PTK7: variants seen among roughly 807,000 people sequenced by gnomAD.
PTK7 encodes the protein protein tyrosine kinase 7 (inactive).
In PTK7, 39 loss-of-function variants were observed where a neutral mutation model predicts 116.6. The observed-to-expected ratio is 0.33, with a 90% CI of 0.26 to 0.44. The LOEUF (loss-of-function observed/expected upper bound fraction) is 0.44. Among genes scored for constraint, PTK7 ranks in the 20% least tolerant of loss-of-function variants. The probability of loss-of-function intolerance (pLI) is 1.00; values close to 1 mark genes in which losing one functional copy is unlikely to be tolerated. For missense variants in PTK7, 1,169 were observed against 1,425.6 expected, an observed-to-expected ratio of 0.82 and a Z score of 2.90; for synonymous variants, 546 against 563.6, an observed-to-expected ratio of 0.97 and a Z score of 0.44.
chr6:43,143,220 C>T lies in PTK7; in HGVS notation c.2048-197C>T. 1.7e-6 allele frequency: 1 copy of T among 574,208 alleles called. No individual in the cohort carries two copies. The highest frequency in any genetic ancestry group is 3.1e-6 in the Non-Finnish European group (1 of 326,124). The allele number at this position is 574,208 out of a possible 1,614,324, so 35.6% of individuals were successfully genotyped here. A position where few individuals can be genotyped will look rare whatever the true frequency, so the allele number is the denominator to read the frequency against. On this transcript the variant is annotated intron_variant, in intron 13 of 19. Transcript: ENST00000230419. The surrounding 1 kb of genome is among the most constrained non-coding windows in gnomAD (Gnocchi z 4.2). ...CAAAGCCAGCTTGGGAACCCCTGGC[C>T]TCATCTCCTTCAGAGTCTTCGTTTG...
chr6:43,136,851 A>C (rs902032936), intron 7 of PTK7, among the ~76,000 whole-genome samples: 2 of 152,156 alleles, frequency 1.3e-5, no homozygotes, highest in African/African-American at 4.8e-5. Flanking sequence ...AAATAAAAAA[A>C]AAATTAGCTG....
chr6:43,134,423 G>C (rs985573577), intron 7 of PTK7, among the ~76,000 whole-genome samples: 1 of 152,150 alleles, frequency 6.6e-6, no homozygotes, highest in African/African-American at 2.4e-5. Flanking sequence ...GAGATAGGAA[G>C]ATCTCTTGAG....
intron 1 of PTK7, among the ~76,000 whole-genome samples, chr6:43,105,411 T>C (rs1436286915): frequency 7.7e-6 from 1 of 130,244 alleles, no homozygotes; most frequent in East Asian, 2.2e-4. Context: ...TCGAATTATA[T>C]GAACAGACAT....
chr6:43,076,647 G>A lies in PTK7; in HGVS notation c.79+80G>A. On this transcript the variant is annotated intron_variant, in intron 1 of 19. Coordinates refer to ENST00000230419, the MANE Select transcript of PTK7 (RefSeq NM_002821.5). This position sits in a 1 kb window ranked among gnomAD's most constrained non-coding sequence, Gnocchi z 5.7. The stretch of plus-strand genomic sequence containing the variant: ...GCAAAAGGCTGCGCCCGGGGCGGTG[G>A]GTTTGGGCGGCTGGAACGGCCCTGG... 1 of 1,473,020 alleles carries A rather than the reference G, an allele frequency of 6.8e-7. No homozygotes were observed. Among genetic ancestry groups the A allele is most frequent in the Admixed American group, 2.6e-5 (1 of 38,734 alleles). The allele number at this position is 1,473,020 out of a possible 1,614,324, so 91.2% of individuals were successfully genotyped here.
At chr6:43,083,829 C>A (rs1442739688) in intron 1 of PTK7, among the ~76,000 whole-genome samples, 1 of 152,198 alleles carries the variant, frequency 6.6e-6, no homozygotes. Flanking sequence ...TATGCACTCA[C>A]AGGTTTAGGT....
chr6:43,077,337 T>C (rs1276245550), intron 1 of PTK7, among the ~76,000 whole-genome samples: 1 of 152,220 alleles, frequency 6.6e-6, no homozygotes, highest in African/African-American at 2.4e-5. Flanking sequence ...TTCTGCTCCT[T>C]CCTGGATTTC....
intron 1 of PTK7, among the ~76,000 whole-genome samples, chr6:43,096,184 G>A (rs1427102247): frequency 3.9e-5 from 6 of 152,130 alleles, no homozygotes; most frequent in Non-Finnish European, 7.4e-5. Context: ...TCTCAGCCTC[G>A]GGGAGAGGTG....
At chr6:43,084,681 G>A (rs559510188) in intron 1 of PTK7, among the ~76,000 whole-genome samples, 6 of 152,294 alleles carry the variant, frequency 3.9e-5, no homozygotes, top group Admixed American at 2.6e-4. Flanking sequence ...ATGGAGAAAC[G>A]TGAATCAGAT....
chr6:43,108,424 G>A (rs1286254283), intron 1 of PTK7, among the ~76,000 whole-genome samples: 1 of 142,882 alleles, frequency 7.0e-6, no homozygotes, highest in Non-Finnish European at 1.5e-5. Flanking sequence ...TTTAAAGACA[G>A]GGTCTCAGTT....
chr6:43,080,962 C>T (rs528996973), intron 1 of PTK7, among the ~76,000 whole-genome samples: 1 of 151,768 alleles, frequency 6.6e-6, no homozygotes, highest in East Asian at 1.9e-4. Context: ...AATACACACA[C>T]ACACACACAC....
intron 1 of PTK7, among the ~76,000 whole-genome samples, chr6:43,086,150 G>C (rs537690529): frequency 6.6e-6 from 1 of 152,290 alleles, no homozygotes; most frequent in Non-Finnish European, 1.5e-5. Flanking sequence ...GCATGCTGAG[G>C]TTCTCAGGGA....
At chr6:43,157,346 A>T (rs1561990128) in intron 17 of PTK7, among the ~76,000 whole-genome samples, 15 of 5,310 alleles carry the variant, frequency 2.8e-3, no homozygotes, top group Non-Finnish European at 3.9e-3. Flanking sequence ...ATATATATAT[A>T]TATATATATA....
At chr6:43,087,761 C>G (rs928766423) in intron 1 of PTK7, among the ~76,000 whole-genome samples, 2 of 152,212 alleles carry the variant, frequency 1.3e-5, no homozygotes, top group Non-Finnish European at 2.9e-5. Context: ...TTCTGCCACA[C>G]CTTACAGGCT....
chr6:43,128,098 T>A (rs1274376399), intron 1 of PTK7, among the ~76,000 whole-genome samples: 1 of 152,216 alleles, frequency 6.6e-6, no homozygotes, highest in Non-Finnish European at 1.5e-5. Flanking sequence ...GCGTCCCATC[T>A]GTGGCCACCT....
intron 1 of PTK7, among the ~76,000 whole-genome samples, chr6:43,114,414 C>T (rs1477782863): frequency 6.6e-6 from 1 of 151,942 alleles, no homozygotes; most frequent in East Asian, 1.9e-4. Flanking sequence ...CTTCTGTTCC[C>T]TTATCTTATC....
At chr6:43,130,811 A>G (rs559881376) in intron 5 of PTK7, 150 bp downstream of exon 5, 9 of 1,198,606 alleles carry the variant, frequency 7.5e-6, no homozygotes, top group Non-Finnish European at 1.0e-5. Flanking sequence ...TTGCTTTTAC[A>G]AGATGAGTCT....
intron 1 of PTK7, among the ~76,000 whole-genome samples, chr6:43,093,183 C>CTTTTTTT (rs72414606): frequency 1.2e-4 from 10 of 84,778 alleles, no homozygotes; most frequent in Admixed American, 1.4e-4. Flanking sequence ...ATAGGATCTC[C>CTTTTTTT]TTTTTTTTTT....
intron 1 of PTK7, among the ~76,000 whole-genome samples, chr6:43,113,303 C>T (rs1009840314): frequency 2.6e-5 from 4 of 151,920 alleles, no homozygotes; most frequent in African/African-American, 9.7e-5. Flanking sequence ...TATGGTGGCA[C>T]GTAGCTGTAG....
chr6:43,096,979 A>T (rs1371039697), intron 1 of PTK7, among the ~76,000 whole-genome samples: 1 of 152,284 alleles, frequency 6.6e-6, no homozygotes, highest in Non-Finnish European at 1.5e-5. Context: ...GCAAGGGAGC[A>T]GCTCATTCAA....
Sources: allele counts gnomAD v4.1 joint callset (sites outside exome capture counted in the v4.1 genomes callset), GRCh38; gene constraint gnomAD v4.1.1; non-coding constraint Gnocchi (gnomAD v3.1); transcripts MANE v1.5; gene names NCBI Gene and HGNC (gene_info 2026-07-23, HGNC 2026-07-21).